ZFHX3: variants seen among roughly 807,000 people sequenced by gnomAD.
The protein encoded by ZFHX3 is zinc finger homeobox protein 3.
ZFHX3 carries 42 observed loss-of-function variants against 279.1 expected under a neutral mutation model. That is an observed-to-expected ratio of 0.15 (90% confidence interval 0.12 to 0.19). The LOEUF (loss-of-function observed/expected upper bound fraction) is 0.19. ZFHX3 is among the 10% of genes least tolerant of loss of function. The probability of loss-of-function intolerance (pLI) is 1.00; values close to 1 mark genes in which losing one functional copy is unlikely to be tolerated. For missense variants in ZFHX3, 4,981 were observed against 4,754.0 expected, an observed-to-expected ratio of 1.05 and a Z score of -1.40; for synonymous variants, 2,293 against 1,957.8, an observed-to-expected ratio of 1.17 and a Z score of -4.52.
intron 2 of ZFHX3, among the ~76,000 whole-genome samples, chr16:73,475,546 T>C (rs1567495115): frequency 6.6e-6 from 1 of 152,162 alleles, no homozygotes; most frequent in Non-Finnish European, 1.5e-5. Context: ...GCATATCATA[T>C]ACTCTTCCTC....
At position 72,798,496 on chromosome 16, in the gene ZFHX3, G is replaced by A. The variant is rs762462194; in HGVS notation, c.4186C>T (p.Arg1396Cys). 13 of 1,614,054 alleles carry A rather than the reference G, an allele frequency of 8.1e-6. No homozygotes were observed. The highest frequency in any genetic ancestry group is 7.7e-5 in the South Asian group (7 of 91,072). ...AKRPQLPVSDRHVYKYRCNQC... is the reference protein window; with the variant it reads ...AKRPQLPVSDCHVYKYRCNQC... ...TTACAGCGGTACTTGTACACATGGC[G>A]ATCTGACACCGGCAGCTGAGGCCTC... Residue 1396 changes from arginine (R) to cysteine (C), a missense_variant, in exon 9 of 10, where the codon CGC becomes TGC. This residue lies in a region of ZFHX3 where 1,751 missense variants were observed against 1,770.0 expected (regional missense o/e 0.99). Coordinates refer to ENST00000268489, the MANE Select transcript of ZFHX3 (RefSeq NM_006885.4).
chr16:73,544,188 G>A (rs184050705), intron 2 of ZFHX3, among the ~76,000 whole-genome samples: 47 of 151,728 alleles, frequency 3.1e-4, no homozygotes, highest in Non-Finnish European at 6.0e-4. Context: ...CCTGGGTTAG[G>A]GAGAGGAAAA....
intron 2 of ZFHX3, among the ~76,000 whole-genome samples, chr16:73,559,054 G>A (rs2020331172): frequency 6.6e-6 from 1 of 151,698 alleles, no homozygotes; most frequent in South Asian, 2.1e-4. Context: ...TTGTGTGTGT[G>A]TGTGTGTGTG....
At chr16:73,662,835 A>G (rs140705049) in intron 2 of ZFHX3, among the ~76,000 whole-genome samples, 469 of 152,320 alleles carry the variant, frequency 3.1e-3, no homozygotes, top group African/African-American at 0.011. Context: ...CTAAAAGAAG[A>G]AGGCAAGCAA....
intron 1 of ZFHX3, among the ~76,000 whole-genome samples, chr16:73,034,488 A>C (rs1188782086): frequency 1.3e-5 from 2 of 152,192 alleles, no homozygotes; most frequent in Admixed American, 1.3e-4. Context: ...GGTGCTAGAA[A>C]TGACTGTGAA....
chr16:73,707,226 T>A (rs1241216640), intron 1 of ZFHX3, among the ~76,000 whole-genome samples: 1 of 152,178 alleles, frequency 6.6e-6, no homozygotes, highest in Non-Finnish European at 1.5e-5. Flanking sequence ...CCAGCCAGGG[T>A]AACCCCTTTA....
At chr16:73,053,810 C>T (rs117290181) in intron 1 of ZFHX3, among the ~76,000 whole-genome samples, 1,581 of 152,206 alleles carry the variant, frequency 0.01, 11 homozygotes, top group Non-Finnish European at 0.017. Flanking sequence ...GATAAGAGGG[C>T]CCTGCAAAGA....
intron 3 of ZFHX3, among the ~76,000 whole-genome samples, chr16:72,902,156 T>C (rs2039053757): frequency 6.6e-6 from 1 of 152,220 alleles, no homozygotes; most frequent in Non-Finnish European, 1.5e-5. Context: ...TTTTCAACCA[T>C]GTTAATTGTA....
At chr16:72,812,232 A>G (rs1471701659) in intron 5 of ZFHX3, among the ~76,000 whole-genome samples, 194 bp from the exon 6 acceptor site, 1 of 152,190 alleles carries the variant, frequency 6.6e-6, no homozygotes, top group Non-Finnish European at 1.5e-5. Context: ...CTCCCCCATG[A>G]ATTTCTGTCA....
At chr16:73,340,536 G>A (rs118167724) in intron 3 of ZFHX3, among the ~76,000 whole-genome samples, 1 of 152,202 alleles carries the variant, frequency 6.6e-6, no homozygotes, top group African/African-American at 2.4e-5. Context: ...TGGTTTTTTT[G>A]TGTGTGTGTT....
intron 3 of ZFHX3, among the ~76,000 whole-genome samples, chr16:72,910,093 T>G (rs2039281122): frequency 6.6e-6 from 1 of 152,138 alleles, no homozygotes; most frequent in Non-Finnish European, 1.5e-5. Context: ...GGTTCTCAGG[T>G]TCTGCATCTC....
intron 4 of ZFHX3, among the ~76,000 whole-genome samples, chr16:72,832,176 T>G (rs2037075892): frequency 6.6e-6 from 1 of 152,126 alleles, no homozygotes; most frequent in African/African-American, 2.4e-5. Flanking sequence ...GCCAGCACAT[T>G]ATACAGCCTG....
intron 1 of ZFHX3, among the ~76,000 whole-genome samples, chr16:73,777,258 C>G (rs745877491): frequency 6.6e-6 from 1 of 152,064 alleles, no homozygotes; most frequent in Non-Finnish European, 1.5e-5. Context: ...AATCCCAGCA[C>G]TTTAGGAGGC....
At chr16:73,241,785 C>T (rs1393396637) in intron 5 of ZFHX3, among the ~76,000 whole-genome samples, 4 of 106,276 alleles carry the variant, frequency 3.8e-5, no homozygotes, top group East Asian at 3.3e-4. Flanking sequence ...AGCAAAACTC[C>T]GTCTCAAAAA....
intron 2 of ZFHX3, among the ~76,000 whole-genome samples, chr16:73,678,050 A>C (rs2052972439): frequency 6.6e-6 from 1 of 152,164 alleles, no homozygotes; most frequent in African/African-American, 2.4e-5. Context: ...AAAGTAAAGA[A>C]AATTTTGTAA....
intron 3 of ZFHX3, among the ~76,000 whole-genome samples, chr16:73,335,144 C>T (rs2015887708): frequency 1.3e-5 from 2 of 151,980 alleles, no homozygotes; most frequent in African/African-American, 4.8e-5. Context: ...TAAGAAGATA[C>T]ATTTTAGTAC....
chr16:73,757,780 T>C (rs187436072), intron 1 of ZFHX3, among the ~76,000 whole-genome samples: 114 of 152,316 alleles, frequency 7.5e-4, no homozygotes, highest in Middle Eastern at 3.4e-3. Context: ...ACCTGGACCA[T>C]GTGTCTGGTC....
chr16:73,252,070 G>A (rs966193907), intron 5 of ZFHX3, among the ~76,000 whole-genome samples: 3 of 152,260 alleles, frequency 2.0e-5, no homozygotes, highest in African/African-American at 7.2e-5. Context: ...TAGCCAGTCA[G>A]TAATAACTGC....
chr16:73,242,822 C>T (rs1309215683), intron 5 of ZFHX3, among the ~76,000 whole-genome samples: 1 of 152,166 alleles, frequency 6.6e-6, no homozygotes, highest in Non-Finnish European at 1.5e-5. Flanking sequence ...TTCAAGGTGC[C>T]AGCAACCTTG....
Sources: allele counts gnomAD v4.1 joint callset (sites outside exome capture counted in the v4.1 genomes callset), GRCh38; gene constraint gnomAD v4.1.1; regional missense constraint gnomAD v4.1.1; transcripts MANE v1.5; gene names NCBI Gene and HGNC (gene_info 2026-07-23, HGNC 2026-07-21).